The following DIP2C variants were observed in gnomAD, a reference collection of about 807,000 sequenced individuals.
The protein encoded by DIP2C is DIP2 acetate--CoA ligase C (putative).
A neutral mutation model predicts 192.4 loss-of-function variants in DIP2C; 33 were observed. That is an observed-to-expected ratio of 0.17 (90% confidence interval 0.13 to 0.23). The LOEUF (loss-of-function observed/expected upper bound fraction) is 0.23, where lower values mean the gene tolerates loss of function less well. Among genes scored for constraint, DIP2C ranks in the 10% least tolerant of loss-of-function variants. The pLI, the probability that DIP2C is intolerant of heterozygous loss-of-function variation, is 1.00. For synonymous variants in DIP2C, 979 were observed against 864.1 expected (o/e 1.13, Z -2.33); for missense variants, 1,537 against 2,110.1 (o/e 0.73, Z 5.32).
At chr10:432,114 T>C (rs777209662) in intron 4 of DIP2C, among the ~76,000 whole-genome samples, 13 of 152,190 alleles carry the variant, frequency 8.5e-5, no homozygotes, top group Non-Finnish European at 1.0e-4. Flanking sequence ...TGGATTTAAT[T>C]TGCTAATATT....
intron 1 of DIP2C, among the ~76,000 whole-genome samples, chr10:672,384 C>T (rs59237055): frequency 0.037 from 5,636 of 152,304 alleles, 343 homozygotes; most frequent in African/African-American, 0.13. Context: ...CGGACAGGAA[C>T]GTCCCGGCCA....
chr10:517,156 T>TCATACA (rs1271384767), intron 1 of DIP2C, among the ~76,000 whole-genome samples: 1 of 151,984 alleles, frequency 6.6e-6, no homozygotes, highest in Non-Finnish European at 1.5e-5. Context: ...TCCGCTCCCA[T>TCATACA]CATACACATC....
At chr10:361,948 T>C (rs565134227) in intron 22 of DIP2C, among the ~76,000 whole-genome samples, 1 of 150,290 alleles carries the variant, frequency 6.7e-6, no homozygotes, top group Non-Finnish European at 1.5e-5. Context: ...AACAACAGTG[T>C]GGGGGGAAAA....
In DIP2C at chr10:283,464, T is replaced by C. The variant is rs777967580; in HGVS notation, c.4120-18A>G. The C allele has an allele frequency of 8.7e-6, 14 of 1,613,380 alleles. No homozygotes were observed. The East Asian group carries it at 1.3e-4, about 15-fold the overall frequency. Reference sequence around the variant, plus strand: ...ACCCAAATCTGCAAACGGAGGGAAATGTCACTGTGGATGACATTATTTTAT... The same window carrying C: ...ACCCAAATCTGCAAACGGAGGGAAACGTCACTGTGGATGACATTATTTTAT... On this transcript the variant is annotated intron_variant, in intron 34 of 36. Transcript: ENST00000280886.
chr10:580,598 T>C (rs1345716995), intron 1 of DIP2C, among the ~76,000 whole-genome samples: 1 of 152,206 alleles, frequency 6.6e-6, no homozygotes, highest in African/African-American at 2.4e-5. Context: ...CTATACATTG[T>C]AAATACATGT....
At chr10:357,210 T>C (rs1026524501) in intron 23 of DIP2C, among the ~76,000 whole-genome samples, 4 of 152,226 alleles carry the variant, frequency 2.6e-5, no homozygotes, top group Non-Finnish European at 5.9e-5. Flanking sequence ...ACGGTTCTAA[T>C]GGGGACCGTG....
intron 1 of DIP2C, among the ~76,000 whole-genome samples, chr10:604,193 T>C (rs906026114): frequency 2.0e-5 from 3 of 152,088 alleles, no homozygotes; most frequent in African/African-American, 7.2e-5. Context: ...CGCAGTCACA[T>C]CTCCAAAGCC....
chr10:370,841 G>T (rs1408939702), intron 17 of DIP2C, among the ~76,000 whole-genome samples: 1 of 152,090 alleles, frequency 6.6e-6, no homozygotes, highest in Non-Finnish European at 1.5e-5. Flanking sequence ...AGACATAAAT[G>T]GGGAAACATA....
intron 1 of DIP2C, among the ~76,000 whole-genome samples, chr10:545,071 T>C (rs1848207728): frequency 6.6e-6 from 1 of 151,350 alleles, no homozygotes; most frequent in African/African-American, 2.4e-5. Flanking sequence ...CCACAACCCC[T>C]AGAAACTCAA....
At chr10:347,375 T>C (rs1226291843) in intron 26 of DIP2C, among the ~76,000 whole-genome samples, 3 of 137,734 alleles carry the variant, frequency 2.2e-5, no homozygotes, top group Admixed American at 7.6e-5. Context: ...ACATCGCGCA[T>C]AGTTCTCCCG....
At chr10:608,128 CCAACA>C (rs753020690) in intron 1 of DIP2C, among the ~76,000 whole-genome samples, 6 of 116,910 alleles carry the variant, frequency 5.1e-5, no homozygotes, top group African/African-American at 3.4e-4. Flanking sequence ...ACACACAGCC[CCAACA>C]CACACACAGC....
At chr10:321,434 T>G (rs1454093458) in intron 31 of DIP2C, among the ~76,000 whole-genome samples, 1 of 152,192 alleles carries the variant, frequency 6.6e-6, no homozygotes, top group Non-Finnish European at 1.5e-5. Context: ...TTGGACAATG[T>G]TCTTTGCTGA....
chr10:316,529 G>A (rs1345602172), intron 31 of DIP2C, among the ~76,000 whole-genome samples: 1 of 152,234 alleles, frequency 6.6e-6, no homozygotes, highest in Non-Finnish European at 1.5e-5. Context: ...TGAAGGGCAA[G>A]GGCGCTGCAG....
intron 1 of DIP2C, among the ~76,000 whole-genome samples, chr10:532,803 G>A (rs1294537257): frequency 6.6e-6 from 1 of 150,594 alleles, no homozygotes; most frequent in Non-Finnish European, 1.5e-5. Flanking sequence ...GTGGTGGCGG[G>A]GGTCCTTGTT....
chr10:557,756 G>GGGGGAGGGGGAGGATGGGC (rs1331066169), intron 1 of DIP2C, among the ~76,000 whole-genome samples: 11 of 61,750 alleles, frequency 1.8e-4, no homozygotes, highest in Non-Finnish European at 2.8e-4. Context: ...TGGGTGGGAA[G>GGGGGAGGGGGAGGATGGGC]GGGGAGGGGG....
intron 2 of DIP2C, among the ~76,000 whole-genome samples, chr10:478,967 G>T (rs1251272928): frequency 6.6e-6 from 1 of 152,150 alleles, no homozygotes; most frequent in African/African-American, 2.4e-5. Context: ...CCAGCACCCA[G>T]GGGCAAGCGC....
intron 1 of DIP2C, among the ~76,000 whole-genome samples, chr10:579,768 G>A (rs1353871073): frequency 6.6e-6 from 1 of 151,854 alleles, no homozygotes; most frequent in Non-Finnish European, 1.5e-5. Flanking sequence ...TACATGCAGA[G>A]CATACACATC....
At chr10:340,475 G>A (rs866437354) in intron 29 of DIP2C, among the ~76,000 whole-genome samples, 3 of 152,122 alleles carry the variant, frequency 2.0e-5, no homozygotes, top group Admixed American at 6.5e-5. Flanking sequence ...GCTTGAAAAC[G>A]CTCCATTAGA....
chr10:287,671 A>G (rs1448699517), intron 33 of DIP2C, among the ~76,000 whole-genome samples: 3 of 63,472 alleles, frequency 4.7e-5, no homozygotes, highest in Non-Finnish European at 9.1e-5. Flanking sequence ...CCGAAACGGA[A>G]AAAAAAAAAA....
Sources: allele counts gnomAD v4.1 joint callset (sites outside exome capture counted in the v4.1 genomes callset), GRCh38; gene constraint gnomAD v4.1.1; transcripts MANE v1.5; gene names NCBI Gene and HGNC (gene_info 2026-07-23, HGNC 2026-07-21).